Variants in MYO1D observed in about 807,000 individuals in gnomAD.
MYO1D encodes myosin ID, also known as unconventional myosin-Id.
A neutral mutation model predicts 122.0 loss-of-function variants in MYO1D; 83 were observed. The observed-to-expected ratio is 0.68, with a 90% CI of 0.57 to 0.82. MYO1D has a LOEUF of 0.82. Among genes scored for constraint, MYO1D ranks in the 40% least tolerant of loss-of-function variants. MYO1D has a pLI of 0.00. For missense variants in MYO1D, 1,157 were observed against 1,269.5 expected (o/e 0.91, Z 1.35); for synonymous variants, 464 against 446.9 (o/e 1.04, Z -0.48).
intron 21 of MYO1D, among the ~76,000 whole-genome samples, chr17:32,522,108 C>CAAAAAAAAAAAAAAAAAAAAAAAAAA (rs1910166929): frequency 1.7e-5 from 2 of 116,046 alleles, no homozygotes. Flanking sequence ...AAAAAAAAAG[C>CAAAAAAAAAAAAAAAAAAAAAAAAAA]AAAACTCAGT....
chr17:32,632,905 G>A (rs1165327159), intron 20 of MYO1D, among the ~76,000 whole-genome samples: 1 of 152,070 alleles, frequency 6.6e-6, no homozygotes, highest in Admixed American at 6.6e-5. Context: ...TGGACACTCG[G>A]TTTATGACAA....
chr17:32,573,138 A>G (rs188919257), intron 21 of MYO1D, among the ~76,000 whole-genome samples: 2 of 152,318 alleles, frequency 1.3e-5, no homozygotes, highest in East Asian at 3.9e-4. Flanking sequence ...ACTTTGGTTA[A>G]GATTAATTCT....
intron 16 of MYO1D, among the ~76,000 whole-genome samples, chr17:32,685,692 A>G (rs1175977756): frequency 2.0e-5 from 3 of 152,266 alleles, no homozygotes; most frequent in Non-Finnish European, 4.4e-5. Flanking sequence ...TAACCATCAA[A>G]TAAGAACTAT....
intron 20 of MYO1D, among the ~76,000 whole-genome samples, chr17:32,607,020 T>TCCAC (rs2087636326): frequency 6.6e-6 from 1 of 151,700 alleles, no homozygotes; most frequent in Non-Finnish European, 1.5e-5. Flanking sequence ...ATTAGCCAGG[T>TCCAC]GTGGTGGCAG....
intron 21 of MYO1D, among the ~76,000 whole-genome samples, chr17:32,554,432 A>G (rs2087050223): frequency 6.6e-6 from 1 of 152,204 alleles, no homozygotes; most frequent in African/African-American, 2.4e-5. Context: ...TCTTTGAAAT[A>G]CAGAAATCTG....
At chr17:32,643,868 C>T (rs1235674021) in intron 19 of MYO1D, among the ~76,000 whole-genome samples, 1 of 152,130 alleles carries the variant, frequency 6.6e-6, no homozygotes, top group Non-Finnish European at 1.5e-5. Flanking sequence ...TTTCAACAAA[C>T]CAGCTCCTGG....
At chr17:32,675,156 TG>T (rs1410027422) in intron 16 of MYO1D, among the ~76,000 whole-genome samples, 1 of 152,202 alleles carries the variant, frequency 6.6e-6, no homozygotes, top group Non-Finnish European at 1.5e-5. Flanking sequence ...GGAATACAAC[TG>T]TGTTATTTGG....
chr17:32,779,171 C>A (rs897707582), intron 2 of MYO1D, among the ~76,000 whole-genome samples: 17 of 152,206 alleles, frequency 1.1e-4, no homozygotes, highest in African/African-American at 4.1e-4. Flanking sequence ...CTTATGCCTT[C>A]TGACTCAAAA....
intron 15 of MYO1D, among the ~76,000 whole-genome samples, chr17:32,720,418 A>T (rs541097977): frequency 2.0e-5 from 3 of 152,308 alleles, no homozygotes; most frequent in East Asian, 3.9e-4. Flanking sequence ...ACATGAGGAA[A>T]CAGGCATGAA....
chr17:32,506,808 C>T lies in MYO1D; in HGVS notation c.2865-11893G>A, dbSNP rs139071719. Among the ~76,000 whole-genome samples the T allele has an allele frequency of 4.7e-4, 72 of 152,228 alleles. No homozygotes were observed. The East Asian group carries it at 0.012, about 26-fold the overall frequency. On this transcript the variant is annotated intron_variant, in intron 21 of 21. Transcript: ENST00000318217. ...TAATCAAAAGAAAGCTGGGGAAAAG[C>T]ATTGCTGGAGAAAAAGCTCATTAGA...
At position 32,778,535 on chromosome 17, in the gene MYO1D, T is replaced by C; in HGVS notation, c.343A>G (p.Ile115Val). ...GTGATGGCCGCAATATACTGCATAA[T>C]GTACTTACTGGCTTCCGTTTTACCA... ...GAGKTEASKY[I>V]MQYIAAITNP... Residue 115 changes from isoleucine (I) to valine (V), a missense_variant, in exon 3 of 22, where the codon ATT (isoleucine) becomes GTT (valine). By Grantham distance (29) the Ile-to-Val change is conservative. Coordinates refer to ENST00000318217, the MANE Select transcript of MYO1D (RefSeq NM_015194.3). 6.2e-6 allele frequency: 10 copies of C among 1,614,074 alleles called. No individual in the cohort carries two copies. Among genetic ancestry groups the C allele is most frequent in the Non-Finnish European group, 8.5e-6 (10 of 1,179,942 alleles).
chr17:32,828,235 G>C (rs1315301050), intron 1 of MYO1D, among the ~76,000 whole-genome samples: 1 of 152,092 alleles, frequency 6.6e-6, no homozygotes, highest in African/African-American at 2.4e-5. Context: ...GAAGACAGGA[G>C]GCCGGGCGCA....
intron 21 of MYO1D, among the ~76,000 whole-genome samples, chr17:32,574,353 G>A (rs751951945): frequency 1.3e-5 from 2 of 151,982 alleles, no homozygotes; most frequent in Non-Finnish European, 2.9e-5. Context: ...ATGAAATTTT[G>A]TAAAGCTAGC....
At chr17:32,819,142 G>A (rs967782233) in intron 1 of MYO1D, among the ~76,000 whole-genome samples, 2 of 151,550 alleles carry the variant, frequency 1.3e-5, no homozygotes, top group African/African-American at 4.8e-5. Context: ...ACATCATAAT[G>A]TTGGCTGAAA....
intron 1 of MYO1D, among the ~76,000 whole-genome samples, chr17:32,796,992 G>C (rs985681889): frequency 6.7e-6 from 1 of 149,996 alleles, no homozygotes; most frequent in Non-Finnish European, 1.5e-5. Context: ...TTTTTTTTGA[G>C]ATGGAGTGTC....
intron 1 of MYO1D, among the ~76,000 whole-genome samples, chr17:32,838,512 T>C (rs1334897289): frequency 2.0e-5 from 3 of 152,144 alleles, no homozygotes; most frequent in Admixed American, 2.0e-4. Flanking sequence ...ATTTTTATGG[T>C]GCTTGAAGGC....
At chr17:32,582,621 T>C (rs2087352491) in intron 21 of MYO1D, among the ~76,000 whole-genome samples, 1 of 152,104 alleles carries the variant, frequency 6.6e-6, no homozygotes, top group African/African-American at 2.4e-5. Flanking sequence ...ATTCTGATGC[T>C]GTTGGGCAGA....
chr17:32,506,864 C>A (rs1009002293), intron 21 of MYO1D, among the ~76,000 whole-genome samples: 14 of 152,088 alleles, frequency 9.2e-5, no homozygotes, highest in Non-Finnish European at 1.9e-4. Flanking sequence ...GCCTGTAATC[C>A]CAGCACTTTG....
intron 1 of MYO1D, among the ~76,000 whole-genome samples, chr17:32,823,981 G>A (rs1411617884): frequency 6.6e-6 from 1 of 150,634 alleles, no homozygotes; most frequent in African/African-American, 2.4e-5. Flanking sequence ...GCATGAGAAT[G>A]GTGTGAACCC....
Sources: allele counts gnomAD v4.1 joint callset (sites outside exome capture counted in the v4.1 genomes callset), GRCh38; gene constraint gnomAD v4.1.1; transcripts MANE v1.5; gene names NCBI Gene and HGNC (gene_info 2026-07-23, HGNC 2026-07-21).